Variants in TTC7B observed in about 807,000 individuals in gnomAD.
TTC7B encodes the protein tetratricopeptide repeat protein 7B.
TTC7B carries 28 observed loss-of-function variants against 106.8 expected under a neutral mutation model. The ratio of observed to expected loss-of-function variants is 0.26; its 90% CI spans 0.19 to 0.36. TTC7B has a LOEUF of 0.36. TTC7B is among the 10% of genes least tolerant of loss of function. The pLI is 1.00. For missense variants in TTC7B, 862 were observed against 1,076.4 expected, an observed-to-expected ratio of 0.80 and a Z score of 2.79; for synonymous variants, 405 against 430.6, an observed-to-expected ratio of 0.94 and a Z score of 0.74.
chr14:90,552,955 G>T (rs940453101), intron 19 of TTC7B, among the ~76,000 whole-genome samples: 1 of 152,264 alleles, frequency 6.6e-6, no homozygotes, highest in Non-Finnish European at 1.5e-5. Flanking sequence ...AGACATAGGG[G>T]TGTGGAGCCC....
intron 3 of TTC7B, among the ~76,000 whole-genome samples, chr14:90,773,375 G>A (rs182842854): frequency 3.9e-5 from 6 of 152,288 alleles, no homozygotes; most frequent in Admixed American, 3.9e-4. Flanking sequence ...CACTCACAAT[G>A]AGTGATTATG....
At chr14:90,666,813 A>G (rs1861366645) in intron 9 of TTC7B, among the ~76,000 whole-genome samples, 1 of 152,180 alleles carries the variant, frequency 6.6e-6, no homozygotes, top group Admixed American at 6.5e-5. Context: ...AGAGGAGTAG[A>G]GTGGGTTGTT....
intron 18 of TTC7B, among the ~76,000 whole-genome samples, chr14:90,592,494 A>G (rs1892000818): frequency 6.6e-6 from 1 of 152,124 alleles, no homozygotes; most frequent in Non-Finnish European, 1.5e-5. Flanking sequence ...GGATCACCTG[A>G]GGTCAGGAGT....
intron 3 of TTC7B, among the ~76,000 whole-genome samples, chr14:90,771,650 T>C (rs920910135): frequency 4.0e-5 from 6 of 151,794 alleles, no homozygotes; most frequent in Non-Finnish European, 7.4e-5. Flanking sequence ...CTTTACAAAC[T>C]AAGTTTTCAA....
chr14:90,627,690 C>T (rs920184039), intron 15 of TTC7B, among the ~76,000 whole-genome samples: 3 of 152,216 alleles, frequency 2.0e-5, no homozygotes, highest in African/African-American at 7.2e-5. Context: ...ATATCAGTTA[C>T]ATTTTGCTTC....
chr14:90,784,929 T>C (rs1471298086), intron 2 of TTC7B, among the ~76,000 whole-genome samples: 2 of 152,160 alleles, frequency 1.3e-5, no homozygotes, highest in Non-Finnish European at 2.9e-5. Flanking sequence ...CAGAAGCCTG[T>C]TGCTGCACAA....
At chr14:90,784,007 T>C (rs899292900) in intron 2 of TTC7B, among the ~76,000 whole-genome samples, 2 of 151,442 alleles carry the variant, frequency 1.3e-5, no homozygotes, top group African/African-American at 4.9e-5. Flanking sequence ...GCAAAACCTA[T>C]CAGCACCTGG....
At chr14:90,695,866 T>G (rs1887725288) in intron 5 of TTC7B, among the ~76,000 whole-genome samples, 1 of 152,130 alleles carries the variant, frequency 6.6e-6, no homozygotes, top group Non-Finnish European at 1.5e-5. Context: ...GAGTCTGTGT[T>G]CAAACTCTCA....
intron 13 of TTC7B, among the ~76,000 whole-genome samples, chr14:90,651,314 T>C (rs1047909398): frequency 5.3e-5 from 8 of 152,228 alleles, no homozygotes; most frequent in Admixed American, 4.6e-4. Flanking sequence ...TATCATCAGT[T>C]AGGTTAGCGG....
intron 7 of TTC7B, among the ~76,000 whole-genome samples, chr14:90,683,580 C>T (rs1444978574): frequency 2.6e-5 from 4 of 152,144 alleles, no homozygotes; most frequent in East Asian, 1.9e-4. Flanking sequence ...TAAGGACTAT[C>T]GAGGCCTCAC....
chr14:90,783,930 A>G (rs751752046), intron 2 of TTC7B, among the ~76,000 whole-genome samples: 3 of 152,202 alleles, frequency 2.0e-5, no homozygotes, highest in Non-Finnish European at 2.9e-5. Context: ...CTCAAAATAA[A>G]TAAATAAATA....
chr14:90,640,548 G>A (rs960334617), intron 15 of TTC7B, among the ~76,000 whole-genome samples: 4 of 152,134 alleles, frequency 2.6e-5, no homozygotes, highest in East Asian at 1.9e-4. Flanking sequence ...TCTAAACTAC[G>A]AATAGGCAAA....
intron 7 of TTC7B, 84 bp downstream of exon 7, chr14:90,689,456 C>A: frequency 8.1e-7 from 1 of 1,231,570 alleles, no homozygotes; most frequent in Non-Finnish European, 1.1e-6. Flanking sequence ...AAAAAATCTA[C>A]TCTTGTACTT....
chr14:90,728,939 A>C (rs1415937119), intron 5 of TTC7B, among the ~76,000 whole-genome samples: 1 of 152,214 alleles, frequency 6.6e-6, no homozygotes, highest in African/African-American at 2.4e-5. Flanking sequence ...ACAACAAAGA[A>C]AACAGAACTT....
intron 19 of TTC7B, among the ~76,000 whole-genome samples, chr14:90,565,127 G>A (rs1305653325): frequency 6.6e-6 from 1 of 152,186 alleles, no homozygotes; most frequent in Non-Finnish European, 1.5e-5. Context: ...GAGAACTGAA[G>A]AGAGCTGGGA....
At chr14:90,732,198 G>A (rs554159635) in intron 4 of TTC7B, among the ~76,000 whole-genome samples, 1 of 152,204 alleles carries the variant, frequency 6.6e-6, no homozygotes, top group South Asian at 2.1e-4. Context: ...TTTAACAGAA[G>A]GAACTAAAGT....
At chr14:90,552,385 A>C (rs1890123187) in intron 19 of TTC7B, among the ~76,000 whole-genome samples, 1 of 152,298 alleles carries the variant, frequency 6.6e-6, no homozygotes, top group East Asian at 1.9e-4. Flanking sequence ...GCACTGACCC[A>C]GTTTCCCCAA....
intron 5 of TTC7B, among the ~76,000 whole-genome samples, chr14:90,708,435 A>G (rs2139963654): frequency 6.6e-6 from 1 of 152,302 alleles, no homozygotes. Flanking sequence ...ATGCTCATTT[A>G]CCATTTTGAA....
chr14:90,774,591 G>C (rs1890965658), intron 3 of TTC7B, among the ~76,000 whole-genome samples: 1 of 152,198 alleles, frequency 6.6e-6, no homozygotes, highest in South Asian at 2.1e-4. Context: ...TGCCTGCCAA[G>C]CATCTGGCTG....
Sources: gnomAD v4.1 joint callset for allele counts (sites outside exome capture counted in the v4.1 genomes callset) on GRCh38, gnomAD v4.1.1 for gene constraint, MANE v1.5 for transcripts, NCBI Gene and HGNC (gene_info 2026-07-23, HGNC 2026-07-21) for gene names.